The following MCPH1 variants were observed in gnomAD, a reference collection of about 807,000 sequenced individuals.
The protein encoded by MCPH1 is microcephalin 1.
MCPH1 carries 104 observed loss-of-function variants against 84.5 expected under a neutral mutation model. That is an observed-to-expected ratio of 1.23 (90% CI 1.05 to 1.45). The LOEUF (loss-of-function observed/expected upper bound fraction) is 1.45. Among genes scored for constraint, MCPH1 ranks in the 40% most tolerant of loss-of-function variants. MCPH1 has a pLI of 0.00. For missense variants in MCPH1, 1,498 were observed against 1,005.7 expected (o/e 1.49, Z -6.62); for synonymous variants, 514 against 366.8 (o/e 1.40, Z -4.58).
chr8:6,601,461 C>T (rs1010204259), intron 12 of MCPH1, among the ~76,000 whole-genome samples: 3 of 151,636 alleles, frequency 2.0e-5, no homozygotes, highest in Non-Finnish European at 4.4e-5. Context: ...TGCAGGGAGC[C>T]GGACGTCTGT....
In MCPH1 at chr8:6,439,537, A is replaced by G. The variant is rs561415092; in HGVS notation, c.580+441A>G. 1.7e-3 allele frequency among the ~76,000 whole-genome samples: 256 copies of G among 151,148 alleles called. 1 individual carries two copies. Among genetic ancestry groups the G allele is most frequent in the Non-Finnish European group, 2.7e-3 (182 of 67,918 alleles). The stretch of plus-strand genomic sequence containing the variant: ...GTAGCTGGGATTACAGGCGCCTGTC[A>G]CCACTCCTGGCTAATTTTTTTTTGT... On this transcript the variant is annotated intron_variant, in intron 6 of 13. Transcript: ENST00000344683.
At chr8:6,626,842 T>G (rs1052481076) in intron 13 of MCPH1, 7 of 985,218 alleles carry the variant, frequency 7.1e-6, no homozygotes, top group East Asian at 2.3e-4. Flanking sequence ...CTGCTGCTGT[T>G]ATCACGAAAG....
intron 12 of MCPH1, among the ~76,000 whole-genome samples, chr8:6,619,523 TCAAGTGATCCACTCACCTCAGCCTCCC>T (rs1586826006): frequency 1.3e-5 from 2 of 152,156 alleles, no homozygotes; most frequent in East Asian, 3.9e-4. Context: ...ACTCCTGACC[TCAAGTGATCCACTCACCTCAGCCTCCC>T]CAAGTGCTGG....
rs187173276 is a variant in MCPH1, at chr8:6,484,513, C to G, written c.2136+3637C>G. ...GCTAAATGTCCACTCAGCAGTCCCA[C>G]TCCCAGATATTTGCCTCGGAGAAAT... On this transcript the variant is annotated intron_variant, in intron 11 of 13. Transcript: ENST00000344683. 1.0e-3 allele frequency among the ~76,000 whole-genome samples: 157 copies of G among 152,360 alleles called. 1 individual carries two copies. The highest frequency in any genetic ancestry group is 3.7e-3 in the African/African-American group (153 of 41,584).
At chr8:6,509,080 A>G (rs1480755279) in intron 12 of MCPH1, 5 of 1,610,584 alleles carry the variant, frequency 3.1e-6, no homozygotes, top group East Asian at 4.5e-5. Context: ...CGTGCAAAGA[A>G]AAAAAACACA....
At chr8:6,458,915 G>A (rs574025921) in intron 9 of MCPH1, among the ~76,000 whole-genome samples, 2 of 152,300 alleles carry the variant, frequency 1.3e-5, no homozygotes, top group Non-Finnish European at 2.9e-5. Flanking sequence ...CCAAAGTGCT[G>A]GAATTACAGG....
rs574674689 is a variant in MCPH1 at position 6,451,548 on chromosome 8, A to G, written c.1826-3595A>G. ...ATTACAAAGGATAAAATTCCGCATT[A>G]TCTATTGAAGAGTGTTGTTTTTGTT... On this transcript the variant is annotated intron_variant, in intron 8 of 13. Coordinates refer to ENST00000344683, the MANE Select transcript of MCPH1 (RefSeq NM_024596.5). Among the ~76,000 whole-genome samples, 66 of 112,448 alleles carry G rather than the reference A, an allele frequency of 5.9e-4. 1 individual carries two copies. The highest frequency in any genetic ancestry group is 1.6e-3 in the African/African-American group (63 of 38,876). The allele number at this position is 112,448 out of a possible 152,430, so 73.8% of individuals were successfully genotyped here.
chr8:6,526,539 G>T (rs913739667), intron 12 of MCPH1, among the ~76,000 whole-genome samples: 1 of 152,104 alleles, frequency 6.6e-6, no homozygotes, highest in Non-Finnish European at 1.5e-5. Context: ...TCTGAAACAT[G>T]AAAGAAAAAT....
chr8:6,627,546 T>A (rs1041339855), intron 13 of MCPH1, among the ~76,000 whole-genome samples: 1 of 152,246 alleles, frequency 6.6e-6, no homozygotes, highest in African/African-American at 2.4e-5. Flanking sequence ...GAATGAGAAC[T>A]AAAACTGGTG....
At chr8:6,626,085 C>T in intron 13 of MCPH1, 1 of 985,388 alleles carries the variant, frequency 1.0e-6, no homozygotes, top group Non-Finnish European at 1.2e-6. Flanking sequence ...CTCTCAAGAC[C>T]AACAACTCCA....
intron 12 of MCPH1, among the ~76,000 whole-genome samples, chr8:6,524,973 C>T (rs1005238456): frequency 3.3e-5 from 5 of 152,228 alleles, no homozygotes; most frequent in African/African-American, 7.2e-5. Flanking sequence ...ACCTCAGGTG[C>T]ATGTCTGTCT....
intron 12 of MCPH1, among the ~76,000 whole-genome samples, chr8:6,577,019 T>C (rs1298356741): frequency 2.0e-5 from 3 of 152,122 alleles, no homozygotes; most frequent in Admixed American, 2.0e-4. Flanking sequence ...GAGGCCCCCT[T>C]TGCCACGGAA....
At chr8:6,525,453 C>A (rs1818166486) in intron 12 of MCPH1, among the ~76,000 whole-genome samples, 1 of 152,212 alleles carries the variant, frequency 6.6e-6, no homozygotes, top group South Asian at 2.1e-4. Flanking sequence ...TAGTCTCAAA[C>A]TCCTGGCCTC....
At chr8:6,557,030 G>A (rs934735153) in intron 12 of MCPH1, among the ~76,000 whole-genome samples, 3 of 152,144 alleles carry the variant, frequency 2.0e-5, no homozygotes, top group African/African-American at 7.2e-5. Flanking sequence ...ACCCCACCTA[G>A]GAGGGGTGGG....
intron 13 of MCPH1, 82 bp downstream of exon 13, chr8:6,621,773 C>G: frequency 1.3e-6 from 2 of 1,580,894 alleles, no homozygotes; most frequent in Non-Finnish European, 1.7e-6. Context: ...CAGGCTCACA[C>G]CCCCTTCCAC....
At chr8:6,556,805 T>C (rs1824694804) in intron 12 of MCPH1, among the ~76,000 whole-genome samples, 1 of 151,936 alleles carries the variant, frequency 6.6e-6, no homozygotes, top group South Asian at 2.1e-4. Context: ...ACCAGGCTGG[T>C]CTTGAACTCC....
At chr8:6,454,346 C>A (rs79495226) in intron 8 of MCPH1, among the ~76,000 whole-genome samples, 1 of 152,126 alleles carries the variant, frequency 6.6e-6, no homozygotes, top group African/African-American at 2.4e-5. Flanking sequence ...TCTAGTACCC[C>A]CTAGGCTGCT....
At chr8:6,520,519 C>G (rs529851198) in intron 12 of MCPH1, among the ~76,000 whole-genome samples, 1 of 152,116 alleles carries the variant, frequency 6.6e-6, no homozygotes, top group Non-Finnish European at 1.5e-5. Flanking sequence ...CCTCAGCCTC[C>G]CAAGCAGCTG....
At chr8:6,469,505 T>C (rs1223762069) in intron 9 of MCPH1, among the ~76,000 whole-genome samples, 1 of 152,186 alleles carries the variant, frequency 6.6e-6, no homozygotes, top group East Asian at 1.9e-4. Context: ...ATTTCCTCTA[T>C]AGTCAAAATT....
Sources: gnomAD v4.1 joint callset for allele counts (sites outside exome capture counted in the v4.1 genomes callset) on GRCh38, gnomAD v4.1.1 for gene constraint, MANE v1.5 for transcripts, NCBI Gene and HGNC (gene_info 2026-07-23, HGNC 2026-07-21) for gene names.